Variants in AGBL4 observed in about 807,000 individuals in gnomAD.
AGBL4 encodes the protein AGBL carboxypeptidase 4.
In AGBL4, 58 loss-of-function variants were observed where a neutral mutation model predicts 66.4. That is an observed-to-expected ratio of 0.87 (90% confidence interval 0.71 to 1.09). AGBL4 has a LOEUF of 1.09. Ranked by LOEUF, AGBL4 falls within the 50% of genes least tolerant of loss-of-function variation. AGBL4 has a pLI of 0.00. For missense variants in AGBL4, 579 were observed against 631.0 expected (o/e 0.92, Z 0.88); for synonymous variants, 234 against 222.9 (o/e 1.05, Z -0.44).
At chr1:49,585,730 A>G (rs972611812) in intron 3 of AGBL4, among the ~76,000 whole-genome samples, 2 of 152,182 alleles carry the variant, frequency 1.3e-5, no homozygotes, top group Admixed American at 6.5e-5. Context: ...TAAATTTGTG[A>G]CAACTTATTA....
At chr1:48,689,203 CAA>C (rs939955179) in intron 6 of AGBL4, among the ~76,000 whole-genome samples, 7 of 53,338 alleles carry the variant, frequency 1.3e-4, no homozygotes, top group Non-Finnish European at 1.7e-4. Context: ...GACCCGGTCT[CAA>C]AAAAAAAAAA....
At chr1:49,786,445 T>C (rs1333934990) in intron 2 of AGBL4, among the ~76,000 whole-genome samples, 1 of 152,198 alleles carries the variant, frequency 6.6e-6, no homozygotes, top group African/African-American at 2.4e-5. Context: ...TCTGAGCTTC[T>C]TAACAAGCTT....
At chr1:49,924,308 A>G (rs907381469) in intron 1 of AGBL4, among the ~76,000 whole-genome samples, 24 of 152,092 alleles carry the variant, frequency 1.6e-4, no homozygotes, top group Non-Finnish European at 4.4e-5. Context: ...GAGTGGGAGG[A>G]GGGAGAGGAT....
At chr1:48,613,761 C>T (rs1474101266) in intron 9 of AGBL4, among the ~76,000 whole-genome samples, 1 of 152,226 alleles carries the variant, frequency 6.6e-6, no homozygotes, top group Non-Finnish European at 1.5e-5. Context: ...GGCTCACTTA[C>T]AGCCCTTATA....
chr1:48,778,556 T>C (rs532149978), intron 6 of AGBL4, among the ~76,000 whole-genome samples: 1 of 152,320 alleles, frequency 6.6e-6, no homozygotes, highest in African/African-American at 2.4e-5. Flanking sequence ...TAATAAACTT[T>C]AGCTGTAAGA....
intron 1 of AGBL4, among the ~76,000 whole-genome samples, chr1:49,969,897 C>T (rs557216304): frequency 6.6e-6 from 1 of 152,264 alleles, no homozygotes; most frequent in South Asian, 2.1e-4. Context: ...CATAAAAACA[C>T]AGACACATAG....
chr1:49,095,668 C>A (rs1254704272), intron 4 of AGBL4, among the ~76,000 whole-genome samples: 1 of 151,872 alleles, frequency 6.6e-6, no homozygotes, highest in Non-Finnish European at 1.5e-5. Context: ...CCCTTCCTTA[C>A]ACCTTATACA....
At chr1:49,802,107 A>G (rs908098169) in intron 2 of AGBL4, among the ~76,000 whole-genome samples, 1 of 152,230 alleles carries the variant, frequency 6.6e-6, no homozygotes, top group Non-Finnish European at 1.5e-5. Flanking sequence ...ACGAGCCAAC[A>G]GTGCATGATG....
intron 4 of AGBL4, among the ~76,000 whole-genome samples, chr1:49,212,763 T>A (rs1490926682): frequency 6.6e-6 from 1 of 152,096 alleles, no homozygotes; most frequent in Admixed American, 6.6e-5. Flanking sequence ...TGGCCCTGTA[T>A]AGAGTTGTGT....
In AGBL4 at chr1:48,699,534, G is replaced by T. The variant is rs568433626; in HGVS notation, c.635-36293C>A. Reference sequence around the variant, plus strand: ...CTCTCTGGCCATTGGAATCCACTCTGTCCATATACATGGCAAGACAAAGGT... The same window carrying T: ...CTCTCTGGCCATTGGAATCCACTCTTTCCATATACATGGCAAGACAAAGGT... On this transcript the variant is annotated intron_variant, in intron 6 of 13. Coordinates refer to ENST00000371839, the MANE Select transcript of AGBL4 (RefSeq NM_032785.4). Among the ~76,000 whole-genome samples, 9 of 152,210 alleles carry T rather than the reference G, an allele frequency of 5.9e-5. No individual in the cohort carries two copies. In the South Asian group the frequency reaches 1.5e-3, roughly 25 times the overall value.
chr1:49,607,019 C>G (rs1302156323), intron 3 of AGBL4, among the ~76,000 whole-genome samples: 1 of 152,078 alleles, frequency 6.6e-6, no homozygotes, highest in African/African-American at 2.4e-5. Context: ...TCAGCTTGAC[C>G]TCCTCCTATC....
intron 9 of AGBL4, among the ~76,000 whole-genome samples, chr1:48,602,004 AT>A (rs1245765684): frequency 2.6e-5 from 4 of 152,172 alleles, no homozygotes; most frequent in African/African-American, 9.7e-5. Flanking sequence ...GAACATTTTA[AT>A]TTGATAATTA....
At chr1:48,761,978 C>T (rs1644276816) in intron 6 of AGBL4, among the ~76,000 whole-genome samples, 1 of 152,178 alleles carries the variant, frequency 6.6e-6, no homozygotes, top group Non-Finnish European at 1.5e-5. Flanking sequence ...ACAGCCCTGA[C>T]ATAAGGCAGG....
At chr1:49,022,586 C>T (rs1470615875) in intron 5 of AGBL4, among the ~76,000 whole-genome samples, 3 of 152,038 alleles carry the variant, frequency 2.0e-5, no homozygotes, top group Non-Finnish European at 4.4e-5. Context: ...ATAATGATAG[C>T]TTATCTAGCA....
At chr1:48,544,518 C>T (rs1644128272) in intron 11 of AGBL4, among the ~76,000 whole-genome samples, 1 of 152,186 alleles carries the variant, frequency 6.6e-6, no homozygotes. Context: ...GCCACTCCTT[C>T]CACTGAGTAG....
intron 5 of AGBL4, among the ~76,000 whole-genome samples, chr1:48,975,683 T>A (rs1659273816): frequency 6.6e-6 from 1 of 152,124 alleles, no homozygotes; most frequent in Non-Finnish European, 1.5e-5. Context: ...GTAAGTGATA[T>A]AGCGGCATAC....
At chr1:48,598,380 T>G (rs772989473) in intron 9 of AGBL4, among the ~76,000 whole-genome samples, 1 of 152,138 alleles carries the variant, frequency 6.6e-6, no homozygotes, top group Non-Finnish European at 1.5e-5. Context: ...TAGAGTGTAC[T>G]TACACTAACC....
chr1:48,626,580 G>T (rs1000226359), intron 9 of AGBL4, among the ~76,000 whole-genome samples: 1 of 152,206 alleles, frequency 6.6e-6, no homozygotes, highest in Admixed American at 6.5e-5. Context: ...AGCCAGAGGG[G>T]CTCTTTGGAG....
At chr1:48,749,436 T>A (rs967697141) in intron 6 of AGBL4, among the ~76,000 whole-genome samples, 1 of 152,174 alleles carries the variant, frequency 6.6e-6, no homozygotes, top group African/African-American at 2.4e-5. Context: ...AAATCGATCT[T>A]ATTATCTCTG....
Sources: gnomAD v4.1 joint callset for allele counts (sites outside exome capture counted in the v4.1 genomes callset) on GRCh38, gnomAD v4.1.1 for gene constraint, MANE v1.5 for transcripts, NCBI Gene and HGNC (gene_info 2026-07-23, HGNC 2026-07-21) for gene names.